Variants in ALCAM observed in about 807,000 individuals in gnomAD.
ALCAM encodes activated leukocyte cell adhesion molecule, also known as CD166 antigen.
A neutral mutation model predicts 70.9 loss-of-function variants in ALCAM; 30 were observed. That is an observed-to-expected ratio of 0.42 (90% CI 0.32 to 0.57). The LOEUF (loss-of-function observed/expected upper bound fraction) is 0.57. ALCAM is among the 20% of genes least tolerant of loss of function. The pLI is 0.11. For synonymous variants in ALCAM, 249 were observed against 242.5 expected, an observed-to-expected ratio of 1.03 and a Z score of -0.25; for missense variants, 591 against 695.1, an observed-to-expected ratio of 0.85 and a Z score of 1.68.
chr3:105,437,919 A>G (rs1193329100), intron 1 of ALCAM, among the ~76,000 whole-genome samples: 1 of 152,128 alleles, frequency 6.6e-6, no homozygotes, highest in African/African-American at 2.4e-5. Context: ...TATCAATCTT[A>G]AATTTAGGCC....
At chr3:105,410,194 C>G (rs1936351313) in intron 1 of ALCAM, among the ~76,000 whole-genome samples, 1 of 151,996 alleles carries the variant, frequency 6.6e-6, no homozygotes, top group Admixed American at 6.6e-5. Context: ...GTAACAGAAC[C>G]ACCTGACTAC....
At chr3:105,461,978 G>T (rs1366323310) in intron 1 of ALCAM, among the ~76,000 whole-genome samples, 1 of 151,214 alleles carries the variant, frequency 6.6e-6, no homozygotes, top group Non-Finnish European at 1.5e-5. Context: ...ATTCTAGAAG[G>T]CAGGGAAATT....
At chr3:105,409,913 T>C (rs999648734) in intron 1 of ALCAM, among the ~76,000 whole-genome samples, 2 of 152,042 alleles carry the variant, frequency 1.3e-5, no homozygotes, top group African/African-American at 4.8e-5. Context: ...TTTTGCAACA[T>C]GTGCATAGCC....
chr3:105,551,200 G>A (rs914249714), intron 12 of ALCAM, among the ~76,000 whole-genome samples: 2 of 151,576 alleles, frequency 1.3e-5, no homozygotes, highest in Admixed American at 6.6e-5. Flanking sequence ...TGGATTGACA[G>A]GATAAAAGAA....
intron 7 of ALCAM, among the ~76,000 whole-genome samples, chr3:105,540,807 C>T (rs1576231014): frequency 6.6e-6 from 1 of 151,988 alleles, no homozygotes; most frequent in Non-Finnish European, 1.5e-5. Context: ...GTTGTGCTTA[C>T]AAATTTCATC....
intron 14 of ALCAM, among the ~76,000 whole-genome samples, chr3:105,570,119 G>T (rs1344246669): frequency 6.6e-6 from 1 of 152,000 alleles, no homozygotes; most frequent in East Asian, 1.9e-4. Context: ...AATTTAAAAG[G>T]ACAAGATATT....
rs967123489 is a variant in ALCAM at position 105,475,606 on chromosome 3, T to G, written c.74-44461T>G. On this transcript the variant is annotated intron_variant, in intron 1 of 15. Transcript: ENST00000306107. Reference sequence around the variant, plus strand: ...GAACACATAATTTGGTAGTAAAATTTTTTTAGCATCAAATGTAACTACTTT... The same window carrying G: ...GAACACATAATTTGGTAGTAAAATTGTTTTAGCATCAAATGTAACTACTTT... Among the ~76,000 whole-genome samples the G allele has an allele frequency of 2.0e-5, 3 of 152,110 alleles. No individual in the cohort carries two copies. The East Asian group carries it at 5.8e-4, about 29-fold the overall frequency.
chr3:105,452,241 C>T (rs1937446312), intron 1 of ALCAM, among the ~76,000 whole-genome samples: 1 of 152,010 alleles, frequency 6.6e-6, no homozygotes, highest in South Asian at 2.1e-4. Flanking sequence ...CCAACAGGCC[C>T]TAGTATGTGT....
At chr3:105,511,412 A>G (rs1425641735) in intron 1 of ALCAM, among the ~76,000 whole-genome samples, 1 of 152,030 alleles carries the variant, frequency 6.6e-6, no homozygotes, top group Admixed American at 6.6e-5. Context: ...TTTATCTTGG[A>G]CAAACATTCC....
chr3:105,421,976 A>T (rs1477868670), intron 1 of ALCAM, among the ~76,000 whole-genome samples: 1 of 151,184 alleles, frequency 6.6e-6, no homozygotes, highest in African/African-American at 2.4e-5. Context: ...GTAGTTTTTT[A>T]TCCCACAACC....
At chr3:105,437,624 C>G (rs11718457) in intron 1 of ALCAM, among the ~76,000 whole-genome samples, 15,588 of 152,044 alleles carry the variant, frequency 0.1, 1,004 homozygotes, top group Middle Eastern at 0.18. Context: ...AGACTGCTGT[C>G]CTAATACATA....
chr3:105,388,030 A>G (rs1026753494), intron 1 of ALCAM, among the ~76,000 whole-genome samples: 2 of 151,704 alleles, frequency 1.3e-5, no homozygotes, highest in African/African-American at 4.8e-5. Flanking sequence ...ACCATGCACC[A>G]TAAATAAAAT....
At chr3:105,468,730 G>C (rs1405868566) in intron 1 of ALCAM, among the ~76,000 whole-genome samples, 1 of 151,270 alleles carries the variant, frequency 6.6e-6, no homozygotes, top group Non-Finnish European at 1.5e-5. Context: ...GTTCAGTTCA[G>C]TTTTGTGGTG....
At chr3:105,547,545 A>G in intron 11 of ALCAM, 22 bp downstream of exon 11, 1 of 1,603,826 alleles carries the variant, frequency 6.2e-7, no homozygotes. Context: ...TCTTCTTGTT[A>G]TATGCTGCAC....
chr3:105,368,721 A>G (rs1184025906), intron 1 of ALCAM, among the ~76,000 whole-genome samples: 1 of 152,152 alleles, frequency 6.6e-6, no homozygotes, highest in East Asian at 1.9e-4. Flanking sequence ...GGAAGAGATT[A>G]CAAGTGTTTG....
At chr3:105,494,641 C>T (rs1938685315) in intron 1 of ALCAM, among the ~76,000 whole-genome samples, 1 of 149,870 alleles carries the variant, frequency 6.7e-6, no homozygotes, top group African/African-American at 2.5e-5. Context: ...TTCCCTCCCT[C>T]CCTTCTTTCC....
chr3:105,547,534 G>A lies in ALCAM; in HGVS notation c.1374+11G>A, dbSNP rs201877283. 710 of 1,604,728 alleles carry A rather than the reference G, an allele frequency of 4.4e-4. 1 individual carries two copies. Among genetic ancestry groups the A allele is most frequent in the Non-Finnish European group, 5.3e-4 (624 of 1,175,726 alleles). On this transcript the variant is annotated intron_variant, in intron 11 of 15. Coordinates refer to ENST00000306107, the MANE Select transcript of ALCAM (RefSeq NM_001627.4). ...AGCGTCATAAACCAAGCAAGTATTT[G>A]TCTTCTTGTTATATGCTGCACTTCG...
At chr3:105,523,851 T>G (rs1169203884) in intron 2 of ALCAM, among the ~76,000 whole-genome samples, 2 of 152,180 alleles carry the variant, frequency 1.3e-5, no homozygotes, top group East Asian at 3.8e-4. Context: ...ACATTTAAAA[T>G]AGGTGGATTA....
At chr3:105,480,868 T>G (rs879645168) in intron 1 of ALCAM, among the ~76,000 whole-genome samples, 1 of 152,164 alleles carries the variant, frequency 6.6e-6, no homozygotes, top group Non-Finnish European at 1.5e-5. Context: ...ATAAAGTAAT[T>G]CAGCAGAATT....
Sources: gnomAD v4.1 joint callset for allele counts (sites outside exome capture counted in the v4.1 genomes callset) on GRCh38, gnomAD v4.1.1 for gene constraint, MANE v1.5 for transcripts, NCBI Gene and HGNC (gene_info 2026-07-23, HGNC 2026-07-21) for gene names.